The following RIN3 variants were observed in gnomAD, a reference collection of about 807,000 sequenced individuals.
RIN3 encodes RAB5 interacting protein 3.
In RIN3, 54 loss-of-function variants were observed where a neutral mutation model predicts 76.3. The ratio of observed to expected loss-of-function variants is 0.71; its 90% CI spans 0.57 to 0.89. The LOEUF (loss-of-function observed/expected upper bound fraction) is 0.89, where lower values mean the gene tolerates loss of function less well. RIN3 is among the 40% of genes least tolerant of loss of function. RIN3 has a pLI of 0.00. For synonymous variants in RIN3, 576 were observed against 564.0 expected (o/e 1.02, Z -0.30); for missense variants, 1,256 against 1,322.1 (o/e 0.95, Z 0.78).
intron 1 of RIN3, among the ~76,000 whole-genome samples, chr14:92,553,760 C>T (rs533225183): frequency 6.6e-6 from 1 of 152,254 alleles, no homozygotes; most frequent in East Asian, 1.9e-4. Flanking sequence ...CTGACCTTGA[C>T]ACACCCCTCC....
intron 1 of RIN3, among the ~76,000 whole-genome samples, chr14:92,534,602 AAAAGAAAG>A (rs150558567): frequency 7.3e-5 from 11 of 150,544 alleles, no homozygotes; most frequent in African/African-American, 2.5e-4. Context: ...AAAAAAAACA[AAAAGAAAG>A]AAAGAAAGAA....
At chr14:92,578,375 A>G (rs941314421) in intron 3 of RIN3, among the ~76,000 whole-genome samples, 1 of 151,906 alleles carries the variant, frequency 6.6e-6, no homozygotes, top group East Asian at 1.9e-4. Context: ...TGGTAGTACA[A>G]TGTCACCGGG....
chr14:92,603,714 C>G (rs1489519864), intron 3 of RIN3, among the ~76,000 whole-genome samples: 4 of 152,192 alleles, frequency 2.6e-5, no homozygotes, highest in Admixed American at 2.6e-4. Flanking sequence ...CTGCTCTTCT[C>G]ACTTTTGGCA....
At chr14:92,647,202 T>C (rs7151531) in intron 5 of RIN3, among the ~76,000 whole-genome samples, 45,968 of 152,046 alleles carry the variant, frequency 0.3, 7,086 homozygotes, top group Admixed American at 0.38. Flanking sequence ...CTGAGTGCCA[T>C]GTGATGGCTC....
chr14:92,546,197 T>A (rs981961518), intron 1 of RIN3, among the ~76,000 whole-genome samples: 2 of 152,146 alleles, frequency 1.3e-5, no homozygotes, highest in African/African-American at 4.8e-5. Flanking sequence ...AGGGCTGGGA[T>A]TACAGGCTTG....
chr14:92,600,265 A>G (rs1885296379), intron 3 of RIN3, among the ~76,000 whole-genome samples: 1 of 152,228 alleles, frequency 6.6e-6, no homozygotes, highest in Non-Finnish European at 1.5e-5. Context: ...CCTCACAGTT[A>G]GAAGGGGATG....
intron 3 of RIN3, among the ~76,000 whole-genome samples, chr14:92,599,061 T>A (rs938017634): frequency 1.3e-5 from 2 of 152,100 alleles, no homozygotes; most frequent in East Asian, 3.9e-4. Context: ...GAGTCCAGTG[T>A]GGCTGGTGTG....
Position 92,652,358 on chromosome 14 carries a change from G to C in RIN3, c.1309G>C (p.Glu437Gln). 2 of 1,607,838 alleles carry C rather than the reference G, an allele frequency of 1.2e-6. No homozygotes were observed. The highest frequency in any genetic ancestry group is 1.7e-6 in the Non-Finnish European group (2 of 1,176,518). Residue 437 changes from glutamate to glutamine, a missense_variant, in exon 6 of 10, where the codon GAG becomes CAG. Physicochemically the swap from Glu to Gln is conservative, Grantham distance 29 (BLOSUM62 2). Transcript: ENST00000216487. This position sits in a 1 kb window ranked among gnomAD's most constrained non-coding sequence, Gnocchi z 6.4. ...GAGCACGGAGCAAGGCCAGGACACA[G>C]AGGTGAAAGCCAGCGATCCTCACAG... ...RESTEQGQDT[E>Q]VKASDPHSMP...
At chr14:92,664,890 T>C (rs1888031450) in intron 7 of RIN3, among the ~76,000 whole-genome samples, 1 of 152,252 alleles carries the variant, frequency 6.6e-6, no homozygotes, top group South Asian at 2.1e-4. Flanking sequence ...AGGTTGTCAC[T>C]TGACCTAATA....
chr14:92,613,779 C>A (rs1566868349), intron 3 of RIN3, among the ~76,000 whole-genome samples: 1 of 152,208 alleles, frequency 6.6e-6, no homozygotes, highest in African/African-American at 2.4e-5. Flanking sequence ...GAAGCCGGGT[C>A]CTGCCTTCCC....
At chr14:92,552,017 G>A (rs1320576789) in intron 1 of RIN3, among the ~76,000 whole-genome samples, 2 of 152,230 alleles carry the variant, frequency 1.3e-5, no homozygotes, top group African/African-American at 2.4e-5. Flanking sequence ...GCATGAGCGT[G>A]GGCTCCAGGT....
At chr14:92,517,496 C>T (rs746445520) in intron 1 of RIN3, among the ~76,000 whole-genome samples, 1 of 152,084 alleles carries the variant, frequency 6.6e-6, no homozygotes, top group Non-Finnish European at 1.5e-5. Flanking sequence ...ACCCAAGGCC[C>T]CTTAACTTCC....
At position 92,652,978 on chromosome 14, in the gene RIN3, G is replaced by T. The variant is rs1428309722; in HGVS notation, c.1929G>T (p.Glu643Asp). 6.2e-7 allele frequency: 1 copy of T among 1,613,554 alleles called. No individual in the cohort carries two copies. The highest frequency in any genetic ancestry group is 1.7e-5 in the Admixed American group (1 of 60,026). ...RQTSSTEMLQEIRTMMTQLKS... is the reference protein window; with the variant it reads ...RQTSSTEMLQDIRTMMTQLKS... ...CCTCCAGCACGGAGATGCTGCAGGA[G>T]ATTCGCACCATGATGACCCAGCTCA... is the stretch of plus-strand genomic sequence containing the variant. Residue 643 changes from glutamate to aspartate, a missense_variant, in exon 6 of 10, where the codon GAG becomes GAT. By Grantham distance (45) the Glu-to-Asp change is conservative. Around this residue, in one of 3 missense-constraint regions of RIN3, gnomAD observed 428 missense variants for 521.2 expected, o/e 0.82. Transcript: ENST00000216487. This position sits in a 1 kb window ranked among gnomAD's most constrained non-coding sequence, Gnocchi z 6.4.
intron 4 of RIN3, among the ~76,000 whole-genome samples, chr14:92,630,979 G>T (rs1220654764): frequency 6.6e-6 from 1 of 152,208 alleles, no homozygotes; most frequent in South Asian, 2.1e-4. Context: ...CTAAGATCCT[G>T]CCCTACAGAC....
At chr14:92,658,099 C>T (rs1887735800) in intron 6 of RIN3, among the ~76,000 whole-genome samples, 1 of 152,228 alleles carries the variant, frequency 6.6e-6, no homozygotes, top group Admixed American at 6.5e-5. Flanking sequence ...ATCAAGTAGA[C>T]ATGAGTTCAA....
chr14:92,662,048 G>C (rs996688699), intron 7 of RIN3, among the ~76,000 whole-genome samples: 3 of 152,254 alleles, frequency 2.0e-5, no homozygotes, highest in African/African-American at 7.2e-5. Flanking sequence ...GCAGAGCCCA[G>C]AGCTCTTGGC....
In RIN3 at chr14:92,685,013, G is replaced by A. The variant is rs1436269370; in HGVS notation, c.2494G>A (p.Gly832Arg). 2.5e-6 allele frequency: 4 copies of A among 1,613,566 alleles called. No homozygotes were observed. The highest frequency in any genetic ancestry group is 2.2e-5 in the East Asian group (1 of 44,880). The change falls in exon 9 of 10, where the codon GGG becomes AGG. Residue 832 changes from glycine to arginine, a missense_variant. Gly to Arg is a moderately radical substitution (Grantham distance 125). Around this residue, in one of 3 missense-constraint regions of RIN3, gnomAD observed 428 missense variants for 521.2 expected, o/e 0.82. Coordinates refer to ENST00000216487, the MANE Select transcript of RIN3 (RefSeq NM_024832.5). This position sits in a 1 kb window ranked among gnomAD's most constrained non-coding sequence, Gnocchi z 4.7. The stretch of plus-strand genomic sequence containing the variant: ...TTCCTACTATCTGACCACCACCTAC[G>A]GGGCCCTGGAGCACATCAAGAGCTA... Reference protein sequence around the residue: ...EGSYYLTTTYGALEHIKSYDK... With the variant: ...EGSYYLTTTYRALEHIKSYDK...
intron 3 of RIN3, among the ~76,000 whole-genome samples, chr14:92,589,848 C>T (rs1195895701): frequency 6.6e-6 from 1 of 152,168 alleles, no homozygotes; most frequent in Non-Finnish European, 1.5e-5. Context: ...ATCACTTGGT[C>T]CTAATAAGTA....
intron 3 of RIN3, among the ~76,000 whole-genome samples, chr14:92,589,320 G>A (rs1884896912): frequency 6.6e-6 from 1 of 151,972 alleles, no homozygotes; most frequent in African/African-American, 2.4e-5. Context: ...CTCATCAGAT[G>A]TTCCCTATCC....
Sources: allele counts gnomAD v4.1 joint callset (sites outside exome capture counted in the v4.1 genomes callset), GRCh38; gene constraint gnomAD v4.1.1; regional missense constraint gnomAD v4.1.1; non-coding constraint Gnocchi (gnomAD v3.1); transcripts MANE v1.5; gene names NCBI Gene and HGNC (gene_info 2026-07-23, HGNC 2026-07-21).